The following STIM2 variants were observed in gnomAD, a reference collection of about 807,000 sequenced individuals.
STIM2 encodes the protein stromal interaction molecule 2.
A neutral mutation model predicts 85.8 loss-of-function variants in STIM2; 31 were observed. The observed-to-expected ratio is 0.36, with a 90% CI of 0.27 to 0.49. The LOEUF is 0.49. Among genes scored for constraint, STIM2 ranks in the 20% least tolerant of loss-of-function variants. The probability of loss-of-function intolerance (pLI) is 0.98; values close to 1 mark genes in which losing one functional copy is unlikely to be tolerated. For synonymous variants in STIM2, 356 were observed against 331.1 expected, an observed-to-expected ratio of 1.08 and a Z score of -0.82; for missense variants, 841 against 927.6, an observed-to-expected ratio of 0.91 and a Z score of 1.21.
At position 27,002,347 on chromosome 4, in the gene STIM2, A is replaced by G; in HGVS notation, c.756A>G (p.Leu252=). Residue 252 remains leucine (L), a synonymous_variant, in exon 6 of 12, where the codon TTA becomes TTG. Coordinates refer to ENST00000467087, the MANE Select transcript of STIM2 (RefSeq NM_020860.4). ...ATGTTGCAAAAATGATGAAAGATTT[A>G]GAGAGCTTACAAACTGCAGAGCAAA... 1.2e-6 allele frequency: 2 copies of G among 1,613,318 alleles called. No homozygotes were observed. Among genetic ancestry groups the G allele is most frequent in the Non-Finnish European group, 1.7e-6 (2 of 1,179,792 alleles).
intron 1 of STIM2, among the ~76,000 whole-genome samples, chr4:26,900,105 G>A (rs1226708278): frequency 2.0e-5 from 3 of 152,174 alleles, no homozygotes; most frequent in Admixed American, 6.6e-5. Context: ...GGAGTAGAAG[G>A]AGCCTTTGAA....
At chr4:26,882,296 C>A (rs1723040668) in intron 1 of STIM2, among the ~76,000 whole-genome samples, 1 of 152,084 alleles carries the variant, frequency 6.6e-6, no homozygotes, top group African/African-American at 2.4e-5. Flanking sequence ...ATTGTGGTTT[C>A]ATTTTTTCCA....
chr4:27,002,922 A>G lies in STIM2; in HGVS notation c.804-5A>G, dbSNP rs771195975. ...GAGGAATTTTTATTTTTATTGTTCT[A>G]TAAGGCTTGAAAAGGCACAGGAAGA... is the stretch of plus-strand genomic sequence containing the variant. On this transcript the variant is annotated splice_polypyrimidine_tract_variant and splice_region_variant and intron_variant, in intron 6 of 11. Coordinates refer to ENST00000467087, the MANE Select transcript of STIM2 (RefSeq NM_020860.4). The G allele has an allele frequency of 7.8e-6, 12 of 1,545,868 alleles. No homozygotes were observed. The highest frequency in any genetic ancestry group is 4.3e-5 in the African/African-American group (3 of 70,358).
chr4:26,875,422 T>G (rs1355204237), intron 1 of STIM2, among the ~76,000 whole-genome samples: 1 of 152,160 alleles, frequency 6.6e-6, no homozygotes, highest in Non-Finnish European at 1.5e-5. Context: ...TTTGAAGTCT[T>G]TAAGTTTGTT....
intron 2 of STIM2, among the ~76,000 whole-genome samples, chr4:26,946,990 T>G (rs1725856016): frequency 6.6e-6 from 1 of 152,186 alleles, no homozygotes; most frequent in Admixed American, 6.5e-5. Flanking sequence ...TGAATTCAAG[T>G]GGCTTGAACA....
chr4:26,950,911 CT>C (rs137918942), intron 2 of STIM2, among the ~76,000 whole-genome samples: 18 of 148,264 alleles, frequency 1.2e-4, no homozygotes, highest in East Asian at 7.9e-4. Flanking sequence ...GTTTGTTGTT[CT>C]TTTTTTTTTA....
chr4:26,954,014 G>A (rs1467219182), intron 2 of STIM2, among the ~76,000 whole-genome samples: 1 of 115,274 alleles, frequency 8.7e-6, no homozygotes. Context: ...ATTGAGAGGG[G>A]GTGACTAGAC....
At chr4:26,944,129 ATT>A (rs1725723179) in intron 2 of STIM2, among the ~76,000 whole-genome samples, 1 of 152,094 alleles carries the variant, frequency 6.6e-6, no homozygotes, top group African/African-American at 2.4e-5. Context: ...TTTTATAATT[ATT>A]GTTTTATACA....
At chr4:26,870,564 A>T (rs1179671873) in intron 1 of STIM2, among the ~76,000 whole-genome samples, 2 of 152,330 alleles carry the variant, frequency 1.3e-5, no homozygotes, top group Non-Finnish European at 2.9e-5. Flanking sequence ...ACTATAATTT[A>T]AAAAATTTTT....
At chr4:26,945,616 T>C (rs1725802525) in intron 2 of STIM2, among the ~76,000 whole-genome samples, 1 of 152,162 alleles carries the variant, frequency 6.6e-6, no homozygotes, top group Non-Finnish European at 1.5e-5. Context: ...GCATCTGTTA[T>C]TTTTTGACTT....
chr4:26,942,776 C>T (rs1392012547), intron 2 of STIM2, among the ~76,000 whole-genome samples: 2 of 152,062 alleles, frequency 1.3e-5, no homozygotes, highest in East Asian at 3.8e-4. Flanking sequence ...CCCTTTATCT[C>T]CTTGGACTAC....
intron 1 of STIM2, among the ~76,000 whole-genome samples, chr4:26,875,646 A>G (rs1372837870): frequency 6.6e-6 from 1 of 152,182 alleles, no homozygotes; most frequent in Non-Finnish European, 1.5e-5. Flanking sequence ...CAAGATTTCT[A>G]GACAAATGGG....
chr4:27,007,439 GC>G (rs1351071325), intron 7 of STIM2, 93 bp from the exon 8 acceptor site: 23 of 774,698 alleles, frequency 3.0e-5, no homozygotes, highest in Non-Finnish European at 4.2e-5. Flanking sequence ...AATTAAAATA[GC>G]TTTTTTTTTT....
chr4:26,883,959 A>C (rs1036455952), intron 1 of STIM2, among the ~76,000 whole-genome samples: 21 of 152,226 alleles, frequency 1.4e-4, no homozygotes, highest in African/African-American at 4.8e-4. Flanking sequence ...GAACAGTAGT[A>C]TTATCAGATT....
At chr4:26,874,353 C>A in intron 1 of STIM2, 1 of 288,292 alleles carries the variant, frequency 3.5e-6, no homozygotes, top group Non-Finnish European at 7.2e-6. Context: ...AAGCCATCTG[C>A]CTGCCCAAGA....
chr4:26,922,297 T>C (rs1724834327), intron 2 of STIM2, among the ~76,000 whole-genome samples: 1 of 152,144 alleles, frequency 6.6e-6, no homozygotes, highest in Admixed American at 6.5e-5. Context: ...AGAGATTTTC[T>C]AAAATTATTA....
Position 26,861,353 on chromosome 4 carries a change from C to A in STIM2, c.135C>A (p.Ser45Arg). ...CTCCCGCCGCGGCGGCCGGCGATAG[C>A]CCGGCGCTCATGACAGGTGAGGGGC... Residue 45 changes from serine to arginine, a missense_variant, in exon 1 of 12, where the codon AGC becomes AGA. Transcript: ENST00000467087. 1 of 1,359,304 alleles carries A rather than the reference C, an allele frequency of 7.4e-7. No individual in the cohort carries two copies. The highest frequency in any genetic ancestry group is 9.4e-7 in the Non-Finnish European group (1 of 1,061,080). 84.2% of individuals were successfully genotyped at this position (1,359,304 alleles called of 1,614,324 possible).
At chr4:26,943,762 C>A (rs1204485300) in intron 2 of STIM2, among the ~76,000 whole-genome samples, 1 of 152,000 alleles carries the variant, frequency 6.6e-6, no homozygotes, top group Non-Finnish European at 1.5e-5. Context: ...ACTATGAATT[C>A]AGTCTGATAT....
At position 26,885,821 on chromosome 4, in the gene STIM2, TTA is replaced by T. The variant is rs56851120; in HGVS notation, c.151+24504_151+24505del. The stretch of plus-strand genomic sequence containing the variant: ...ATGAAGCCAAATTTAGCACCTCAGG[TTA>T]TATATATATATATATATATATATAT... On this transcript the variant is annotated intron_variant, in intron 1 of 11. Transcript: ENST00000467087. 8.9e-3 allele frequency among the ~76,000 whole-genome samples: 752 copies of T among 84,296 alleles called. 6 individuals carry two copies. The highest frequency in any genetic ancestry group is 0.019 in the African/African-American group (528 of 27,684). 55.3% of individuals were successfully genotyped at this position (84,296 alleles called of 152,430 possible). A position where few individuals can be genotyped will look rare whatever the true frequency, so the allele number is the denominator to read the frequency against.
Sources: allele counts gnomAD v4.1 joint callset (sites outside exome capture counted in the v4.1 genomes callset), GRCh38; gene constraint gnomAD v4.1.1; transcripts MANE v1.5; gene names NCBI Gene and HGNC (gene_info 2026-07-23, HGNC 2026-07-21).